SHISA9: variants seen among roughly 807,000 people sequenced by gnomAD.
SHISA9 encodes the protein shisa family member 9.
A neutral mutation model predicts 38.0 loss-of-function variants in SHISA9; 13 were observed. That is an observed-to-expected ratio of 0.34 (90% CI 0.22 to 0.54). The LOEUF is 0.54. Ranked by LOEUF, SHISA9 falls within the 20% of genes least tolerant of loss-of-function variation. SHISA9 has a pLI of 0.91. For synonymous variants in SHISA9, 275 were observed against 242.0 expected (o/e 1.14, Z -1.27); for missense variants, 538 against 575.8 (o/e 0.93, Z 0.67).
At chr16:13,023,196 T>C (rs2072878693) in intron 2 of SHISA9, among the ~76,000 whole-genome samples, 1 of 152,072 alleles carries the variant, frequency 6.6e-6, no homozygotes, top group Non-Finnish European at 1.5e-5. Flanking sequence ...CAGGCCCTGG[T>C]GTGTGATGTT....
chr16:13,314,048 T>C, the SHISA9 span, among the ~76,000 whole-genome samples: 1 of 136,472 alleles, frequency 7.3e-6, no homozygotes, highest in Non-Finnish European at 1.7e-5. Flanking sequence ...AAGCTGTACC[T>C]CATGGGTGGG....
the SHISA9 span, among the ~76,000 whole-genome samples, chr16:13,374,367 C>A: frequency 6.6e-6 from 1 of 152,084 alleles, no homozygotes; most frequent in African/African-American, 2.4e-5. Flanking sequence ...ACCTTGTGTC[C>A]AAGTGTCCTC....
chr16:13,367,697 T>TGTGC, the SHISA9 span, among the ~76,000 whole-genome samples: 1 of 116,124 alleles, frequency 8.6e-6, no homozygotes, highest in Admixed American at 8.5e-5. Context: ...CGCGTGTGCG[T>TGTGC]GCGCGCGCGC....
the SHISA9 span, among the ~76,000 whole-genome samples, chr16:13,299,725 CA>C: frequency 1.1e-4 from 15 of 139,792 alleles, no homozygotes; most frequent in East Asian, 2.3e-3. Context: ...AAAAAAAAAA[CA>C]AAAAAAACCC....
rs2072829600 is a variant in SHISA9 at position 13,019,968 on chromosome 16, T to TTCCTTCC, written c.691+103154_691+103155insCCTTCCT. ...CTTTCTTTCTTTCTTTCCCTCCTTC[T>TTCCTTCC]TTCCTTCCTTCCTTCCTTCCTTCCT... is the stretch of plus-strand genomic sequence containing the variant. On this transcript the variant is annotated intron_variant, in intron 2 of 4. Coordinates refer to ENST00000558583, the MANE Select transcript of SHISA9 (RefSeq NM_001145204.3). Among the ~76,000 whole-genome samples the TTCCTTCC allele has an allele frequency of 3.0e-3, 129 of 43,230 alleles. 4 individuals carry two copies. Among genetic ancestry groups the TTCCTTCC allele is most frequent in the Admixed American group, 4.8e-3 (16 of 3,314 alleles). 28.4% of individuals were successfully genotyped at this position (43,230 alleles called of 152,430 possible).
chr16:13,217,077 C>T (rs987576357), intron 4 of SHISA9, among the ~76,000 whole-genome samples: 15 of 151,496 alleles, frequency 9.9e-5, no homozygotes, highest in African/African-American at 3.4e-4. Context: ...CGAGACCATC[C>T]TGGCTAACAC....
chr16:13,276,066 C>T, the SHISA9 span, among the ~76,000 whole-genome samples: 2 of 151,742 alleles, frequency 1.3e-5, no homozygotes, highest in Admixed American at 6.6e-5. Context: ...GTCTTTTATC[C>T]CTCGCCCCCT....
intron 2 of SHISA9, among the ~76,000 whole-genome samples, chr16:13,035,762 C>T (rs1255795984): frequency 6.6e-6 from 1 of 152,138 alleles, no homozygotes; most frequent in Non-Finnish European, 1.5e-5. Flanking sequence ...AACTCCTGAC[C>T]TCAGGTGATC....
the SHISA9 span, among the ~76,000 whole-genome samples, chr16:13,472,752 CT>C: frequency 6.6e-6 from 1 of 152,072 alleles, no homozygotes; most frequent in African/African-American, 2.4e-5. Flanking sequence ...GTTTCTCTTG[CT>C]ATGTCTTCAA....
the SHISA9 span, among the ~76,000 whole-genome samples, chr16:13,253,286 A>T: frequency 6.6e-6 from 1 of 152,146 alleles, no homozygotes; most frequent in African/African-American, 2.4e-5. Flanking sequence ...GAGTTGTTCA[A>T]GAGTCAACTG....
chr16:12,909,076 G>T, intron 1 of SHISA9: 1 of 989,918 alleles, frequency 1.0e-6, no homozygotes, highest in Non-Finnish European at 1.2e-6. Flanking sequence ...TTATCCTAAG[G>T]CTTTGACCAG....
At chr16:13,188,752 C>T (rs1039048301) in intron 2 of SHISA9, among the ~76,000 whole-genome samples, 4 of 119,172 alleles carry the variant, frequency 3.4e-5, no homozygotes, top group African/African-American at 1.2e-4. Flanking sequence ...ATGAGGAAAA[C>T]AAGAATTGAA....
In SHISA9 at chr16:13,139,394, T is replaced by TTTCCTTCCTTCCTTCCTTCCTTCCTTCC. The variant is rs71147783; in HGVS notation, c.692-63988_692-63961dup. On this transcript the variant is annotated intron_variant, in intron 2 of 4. Transcript: ENST00000558583. ...CCTCCCTCCGTCCCTCCCTTCCTTC[T>TTTCCTTCCTTCCTTCCTTCCTTCCTTCC]TTCCTTCCTTCCTTCCTTCCTTCCT... Among the ~76,000 whole-genome samples the TTTCCTTCCTTCCTTCCTTCCTTCCTTCC allele has an allele frequency of 3.7e-4, 35 of 95,074 alleles. 2 individuals carry two copies. Among genetic ancestry groups the TTTCCTTCCTTCCTTCCTTCCTTCCTTCC allele is most frequent in the African/African-American group, 1.3e-3 (29 of 21,826 alleles). The allele number at this position is 95,074 out of a possible 152,430, so 62.4% of individuals were successfully genotyped here.
intron 2 of SHISA9, among the ~76,000 whole-genome samples, chr16:13,016,222 A>G (rs758839935): frequency 9.9e-5 from 15 of 151,704 alleles, no homozygotes; most frequent in Non-Finnish European, 1.5e-4. Context: ...TGATCTGCCT[A>G]TCTTGGCCTC....
the SHISA9 span, among the ~76,000 whole-genome samples, chr16:13,397,565 A>G: frequency 0.26 from 38,855 of 151,980 alleles, 6,324 homozygotes; most frequent in African/African-American, 0.46. Flanking sequence ...CTCCTGAGTA[A>G]CTGGAATTAC....
chr16:13,242,400 G>T (rs892794908), downstream of SHISA9, among the ~76,000 whole-genome samples: 63 of 152,174 alleles, frequency 4.1e-4, no homozygotes, highest in African/African-American at 1.4e-3. Context: ...AGTGGCCCCT[G>T]GACCCTATGA....
At chr16:13,250,959 T>C in the SHISA9 span, among the ~76,000 whole-genome samples, 1 of 152,172 alleles carries the variant, frequency 6.6e-6, no homozygotes, top group African/African-American at 2.4e-5. Flanking sequence ...TGGACTACTG[T>C]TGAGAATCAA....
chr16:13,320,924 T>G, the SHISA9 span, among the ~76,000 whole-genome samples: 20 of 152,242 alleles, frequency 1.3e-4, no homozygotes, highest in Non-Finnish European at 2.5e-4. Context: ...TAGTCTGGTG[T>G]TGTTCAATGG....
At chr16:13,386,826 A>G in the SHISA9 span, among the ~76,000 whole-genome samples, 1 of 152,228 alleles carries the variant, frequency 6.6e-6, no homozygotes, top group African/African-American at 2.4e-5. Context: ...ATTGCTGCAT[A>G]GTATTCCATG....
Sources: gnomAD v4.1 joint callset for allele counts (sites outside exome capture counted in the v4.1 genomes callset) on GRCh38, gnomAD v4.1.1 for gene constraint, MANE v1.5 for transcripts, NCBI Gene and HGNC (gene_info 2026-07-23, HGNC 2026-07-21) for gene names.